MDGA2: variants seen among roughly 807,000 people sequenced by gnomAD.
The protein encoded by MDGA2 is MAM domain-containing glycosylphosphatidylinositol anchor protein 2.
In MDGA2, 40 loss-of-function variants were observed where a neutral mutation model predicts 117.8. The observed-to-expected ratio is 0.34, with a 90% confidence interval of 0.26 to 0.44. The LOEUF (loss-of-function observed/expected upper bound fraction) is 0.44. Among genes scored for constraint, MDGA2 ranks in the 20% least tolerant of loss-of-function variants. MDGA2 has a pLI of 1.00. For synonymous variants in MDGA2, 452 were observed against 439.0 expected (o/e 1.03, Z -0.37); for missense variants, 1,123 against 1,250.6 (o/e 0.90, Z 1.54).
intron 3 of MDGA2, among the ~76,000 whole-genome samples, chr14:47,210,546 G>T (rs1251984321): frequency 6.6e-6 from 1 of 152,052 alleles, no homozygotes; most frequent in Admixed American, 6.6e-5. Flanking sequence ...AAATATATTT[G>T]GGAATAAGCA....
In MDGA2 at chr14:47,159,019, G is replaced by C. The variant is rs578119658; in HGVS notation, c.596-14745C>G. ...CAATGGAGACAGTAAAAAGGCCAGTGGTTGCCAAACATTTGTAGGGAAGGA... is the reference window on the plus strand; with the variant it reads ...CAATGGAGACAGTAAAAAGGCCAGTCGTTGCCAAACATTTGTAGGGAAGGA... On this transcript the variant is annotated intron_variant, in intron 3 of 16. Transcript: ENST00000399232. Among the ~76,000 whole-genome samples the C allele has an allele frequency of 3.3e-5, 5 of 152,282 alleles. No individual in the cohort carries two copies. In the South Asian group the frequency reaches 1.0e-3, roughly 32 times the overall value.
At chr14:47,636,836 G>C (rs1239916365) in intron 1 of MDGA2, among the ~76,000 whole-genome samples, 59 of 144,090 alleles carry the variant, frequency 4.1e-4, no homozygotes, top group African/African-American at 1.4e-3. Context: ...GCTGGGCATG[G>C]TGGAGCGTGC....
At chr14:47,285,742 G>A (rs1406909893) in intron 2 of MDGA2, among the ~76,000 whole-genome samples, 1 of 152,070 alleles carries the variant, frequency 6.6e-6, no homozygotes, top group African/African-American at 2.4e-5. Flanking sequence ...GCTTCCAACA[G>A]TACCTCACGG....
chr14:47,074,047 C>T (rs1330261478), intron 6 of MDGA2, among the ~76,000 whole-genome samples: 2 of 151,790 alleles, frequency 1.3e-5, no homozygotes, highest in African/African-American at 4.8e-5. Flanking sequence ...AAAGTCTTTC[C>T]CATGTATTTA....
intron 9 of MDGA2, among the ~76,000 whole-genome samples, chr14:46,931,917 T>A (rs1479692141): frequency 6.9e-6 from 1 of 144,340 alleles, no homozygotes; most frequent in Non-Finnish European, 1.5e-5. Flanking sequence ...TTTATTTAAG[T>A]AAATAAAAAT....
chr14:46,936,225 C>T (rs2138565784), intron 9 of MDGA2, among the ~76,000 whole-genome samples: 1 of 151,988 alleles, frequency 6.6e-6, no homozygotes, highest in Middle Eastern at 3.4e-3. Context: ...GTTCTGTCAG[C>T]TTCTGACACC....
At chr14:47,325,165 T>A (rs1890107065) in intron 1 of MDGA2, among the ~76,000 whole-genome samples, 2 of 152,212 alleles carry the variant, frequency 1.3e-5, no homozygotes, top group African/African-American at 4.8e-5. Context: ...ATATTCTGAT[T>A]GTTTTGGTTG....
intron 1 of MDGA2, among the ~76,000 whole-genome samples, chr14:47,429,672 A>G (rs1026028441): frequency 2.6e-5 from 4 of 152,158 alleles, no homozygotes; most frequent in Middle Eastern, 3.4e-3. Context: ...CTTATTAATC[A>G]TGATGTGATG....
chr14:47,004,524 T>C (rs1887643873), intron 8 of MDGA2, among the ~76,000 whole-genome samples: 1 of 151,898 alleles, frequency 6.6e-6, no homozygotes, highest in African/African-American at 2.4e-5. Flanking sequence ...CTTTCCAAAT[T>C]ACTCTGGCCA....
At position 47,563,578 on chromosome 14, in the gene MDGA2, G is replaced by GTTTTTT. The variant is rs56244321; in HGVS notation, c.280+110933_280+110938dup. On this transcript the variant is annotated intron_variant, in intron 1 of 16. Coordinates refer to ENST00000399232, the MANE Select transcript of MDGA2 (RefSeq NM_001113498.3). ...AGAATAGCAACCCCTGCTTTTTTCT[G>GTTTTTT]TTTTTTTTTTTTTTTTTTTTTTTTT... is the stretch of plus-strand genomic sequence containing the variant. Among the ~76,000 whole-genome samples, 315 of 56,782 alleles carry GTTTTTT rather than the reference G, an allele frequency of 5.5e-3. 11 individuals carry two copies. The highest frequency in any genetic ancestry group is 0.017 in the Middle Eastern group (1 of 58). 37.3% of individuals were successfully genotyped at this position (56,782 alleles called of 152,430 possible).
At chr14:47,654,016 T>C (rs1897694221) in intron 1 of MDGA2, among the ~76,000 whole-genome samples, 4 of 152,282 alleles carry the variant, frequency 2.6e-5, no homozygotes, top group Middle Eastern at 6.8e-3. Context: ...TTAAAACCAC[T>C]AAGTTTGTGG....
intron 1 of MDGA2, among the ~76,000 whole-genome samples, chr14:47,350,572 C>T (rs1327448052): frequency 1.3e-5 from 2 of 151,394 alleles, no homozygotes; most frequent in Non-Finnish European, 2.9e-5. Context: ...TGTGTGTGCA[C>T]GCGTGTGTGT....
At chr14:47,308,558 G>A (rs1594786603) in intron 1 of MDGA2, among the ~76,000 whole-genome samples, 5 of 126,870 alleles carry the variant, frequency 3.9e-5, no homozygotes, top group African/African-American at 3.0e-5. Flanking sequence ...GACCACATAT[G>A]AGGGAATCTC....
At chr14:46,993,202 T>C (rs958733119) in intron 8 of MDGA2, among the ~76,000 whole-genome samples, 8 of 151,872 alleles carry the variant, frequency 5.3e-5, no homozygotes, top group African/African-American at 1.9e-4. Flanking sequence ...TAAAATAGCA[T>C]TGTTTATTAA....
chr14:47,540,145 C>T (rs759279847), intron 1 of MDGA2, among the ~76,000 whole-genome samples: 2 of 152,156 alleles, frequency 1.3e-5, no homozygotes, highest in Non-Finnish European at 1.5e-5. Flanking sequence ...TCCCGAGTAG[C>T]TGGGACTACA....
chr14:46,938,540 C>CAAAAAAAAAAACAAAAA (rs1884870978), intron 9 of MDGA2, among the ~76,000 whole-genome samples: 1 of 27,008 alleles, frequency 3.7e-5, no homozygotes, highest in Non-Finnish European at 8.8e-5. Flanking sequence ...AAATCCATCT[C>CAAAAAAAAAAACAAAAA]AAAAAAAAAA....
intron 8 of MDGA2, among the ~76,000 whole-genome samples, chr14:46,995,603 T>A (rs1469113248): frequency 6.6e-6 from 1 of 152,056 alleles, no homozygotes; most frequent in Admixed American, 6.6e-5. Context: ...AGAAAATAAG[T>A]CTTGCCAGTT....
At chr14:47,194,149 TGAAAGA>T in intron 3 of MDGA2, among the ~76,000 whole-genome samples, 1 of 152,170 alleles carries the variant, frequency 6.6e-6, no homozygotes, top group Non-Finnish European at 1.5e-5. Context: ...GAAATTTAAC[TGAAAGA>T]GATTTTCTAG....
intron 1 of MDGA2, among the ~76,000 whole-genome samples, chr14:47,438,178 A>C (rs1892934368): frequency 6.6e-6 from 1 of 152,168 alleles, no homozygotes; most frequent in South Asian, 2.1e-4. Context: ...CCATCTGTGC[A>C]TTGATTTAGC....
Sources: gnomAD v4.1 joint callset for allele counts (sites outside exome capture counted in the v4.1 genomes callset) on GRCh38, gnomAD v4.1.1 for gene constraint, MANE v1.5 for transcripts, NCBI Gene and HGNC (gene_info 2026-07-23, HGNC 2026-07-21) for gene names.